PTPRR: variants seen among roughly 807,000 people sequenced by gnomAD.
PTPRR encodes receptor-type tyrosine-protein phosphatase R.
PTPRR carries 38 observed loss-of-function variants against 77.2 expected under a neutral mutation model. The ratio of observed to expected loss-of-function variants is 0.49; its 90% CI spans 0.38 to 0.65. PTPRR has a LOEUF of 0.65. Among genes scored for constraint, PTPRR ranks in the 30% least tolerant of loss-of-function variants. The pLI is 0.00. For missense variants in PTPRR, 744 were observed against 799.2 expected, an observed-to-expected ratio of 0.93 and a Z score of 0.83; for synonymous variants, 299 against 283.1, an observed-to-expected ratio of 1.06 and a Z score of -0.57.
At chr12:70,761,194 T>A (rs1890683336) in intron 4 of PTPRR, among the ~76,000 whole-genome samples, 1 of 152,170 alleles carries the variant, frequency 6.6e-6, no homozygotes, top group South Asian at 2.1e-4. Context: ...TCTTCTTTCT[T>A]CTAGAAAATT....
intron 2 of PTPRR, among the ~76,000 whole-genome samples, chr12:70,885,323 A>G (rs1320753291): frequency 6.6e-6 from 1 of 152,190 alleles, no homozygotes; most frequent in Non-Finnish European, 1.5e-5. Context: ...GAAAGCTACT[A>G]TACAATGAAA....
intron 2 of PTPRR, among the ~76,000 whole-genome samples, chr12:70,769,433 C>T (rs1308380316): frequency 6.6e-6 from 1 of 152,124 alleles, no homozygotes; most frequent in Non-Finnish European, 1.5e-5. Flanking sequence ...ATATAAAATA[C>T]TTAGGAATCC....
At chr12:70,900,959 G>C (rs1261204760) in intron 1 of PTPRR, among the ~76,000 whole-genome samples, 1 of 151,466 alleles carries the variant, frequency 6.6e-6, no homozygotes, top group African/African-American at 2.4e-5. Context: ...TTTCCAAAAT[G>C]CTTGGGACCA....
chr12:70,840,830 C>A (rs1892383424), intron 2 of PTPRR, among the ~76,000 whole-genome samples: 1 of 152,024 alleles, frequency 6.6e-6, no homozygotes. Flanking sequence ...AGATAAAGGG[C>A]ATTCCAGAAT....
rs58442488 is a variant in PTPRR at position 70,804,139 on chromosome 12, CTGTGTG to C, written c.358-39367_358-39362del. On this transcript the variant is annotated intron_variant, in intron 2 of 13. Transcript: ENST00000283228. ...TGTCTTGTTTCACCTGTTCCTGGCT[CTGTGTG>C]TGTGTGTGTGTGTGTGTGTGTGTGT... 3.3e-3 allele frequency among the ~76,000 whole-genome samples: 458 copies of C among 137,338 alleles called. 8 individuals are homozygous for C. In the South Asian group the frequency reaches 0.049, roughly 15 times the overall value. 90.1% of individuals were successfully genotyped at this position (137,338 alleles called of 152,430 possible).
At chr12:70,892,076 G>A (rs1441429184) in intron 2 of PTPRR, among the ~76,000 whole-genome samples, 2 of 151,878 alleles carry the variant, frequency 1.3e-5, no homozygotes, top group Non-Finnish European at 2.9e-5. Context: ...TACAAGCAAG[G>A]GAACTTTAAG....
intron 8 of PTPRR, among the ~76,000 whole-genome samples, chr12:70,695,770 A>G (rs1888210032): frequency 6.6e-6 from 1 of 152,144 alleles, no homozygotes; most frequent in Admixed American, 6.6e-5. Context: ...AGAAAACACA[A>G]ATTCTAACAC....
intron 2 of PTPRR, among the ~76,000 whole-genome samples, chr12:70,851,464 C>T (rs1362116118): frequency 1.3e-5 from 2 of 152,062 alleles, no homozygotes; most frequent in Non-Finnish European, 2.9e-5. Context: ...GGGTTCATAT[C>T]CTGACCCCAT....
chr12:70,818,983 A>C (rs1891957209), intron 2 of PTPRR, among the ~76,000 whole-genome samples: 1 of 152,184 alleles, frequency 6.6e-6, no homozygotes, highest in African/African-American at 2.4e-5. Context: ...GTCTACAAGG[A>C]GGTCACAATC....
chr12:70,735,046 C>A (rs1302720813), intron 6 of PTPRR, among the ~76,000 whole-genome samples: 1 of 152,022 alleles, frequency 6.6e-6, no homozygotes, highest in Non-Finnish European at 1.5e-5. Context: ...ATAAAAAACC[C>A]TATGAAAATT....
At chr12:70,741,018 A>T (rs1890029303) in intron 6 of PTPRR, among the ~76,000 whole-genome samples, 1 of 152,192 alleles carries the variant, frequency 6.6e-6, no homozygotes, top group South Asian at 2.1e-4. Context: ...CCATCTTGGC[A>T]GGGAATTGTG....
chr12:70,841,088 A>G (rs1892388871), intron 2 of PTPRR, among the ~76,000 whole-genome samples: 2 of 150,446 alleles, frequency 1.3e-5, no homozygotes, highest in Non-Finnish European at 1.5e-5. Flanking sequence ...AATTTCCTGC[A>G]CTAAACCTTT....
At chr12:70,776,124 C>T (rs1193383813) in intron 2 of PTPRR, among the ~76,000 whole-genome samples, 1 of 152,134 alleles carries the variant, frequency 6.6e-6, no homozygotes, top group Admixed American at 6.6e-5. Flanking sequence ...CTCCTTCTTC[C>T]TATCCACAAT....
intron 12 of PTPRR, among the ~76,000 whole-genome samples, chr12:70,659,161 C>T: frequency 6.6e-6 from 1 of 151,956 alleles, no homozygotes; most frequent in Non-Finnish European, 1.5e-5. Flanking sequence ...CCTCGGCCTC[C>T]CAAAGTGCTA....
intron 8 of PTPRR, among the ~76,000 whole-genome samples, chr12:70,688,590 G>A (rs920042422): frequency 6.6e-6 from 1 of 152,184 alleles, no homozygotes; most frequent in African/African-American, 2.4e-5. Flanking sequence ...GGCTGTTGGT[G>A]AGAATGTAAA....
intron 6 of PTPRR, among the ~76,000 whole-genome samples, chr12:70,719,049 C>T (rs1240735263): frequency 6.6e-6 from 1 of 152,018 alleles, no homozygotes; most frequent in African/African-American, 2.4e-5. Context: ...ACTGAATACT[C>T]CTGACCGGTT....
chr12:70,742,321 T>A (rs1482649910), intron 6 of PTPRR, among the ~76,000 whole-genome samples: 1 of 152,148 alleles, frequency 6.6e-6, no homozygotes, highest in African/African-American at 2.4e-5. Context: ...TACAGAAAAA[T>A]AAAATTGCAT....
In PTPRR at chr12:70,638,433, G is replaced by C. The variant is rs556259900; in HGVS notation, c.*751C>G. The C allele has an allele frequency of 3.4e-4, 52 of 152,688 alleles. No individual in the cohort carries two copies. Among genetic ancestry groups the C allele is most frequent in the African/African-American group, 1.2e-3 (49 of 41,558 alleles). 9.5% of individuals were successfully genotyped at this position (152,688 alleles called of 1,614,324 possible). A position where few individuals can be genotyped will look rare whatever the true frequency, so the allele number is the denominator to read the frequency against. ...TTGTTTTTCCCTTTTAAAGTAAAAT[G>C]ACTCACGATGTGGAAATACAGTGGA... On this transcript the variant is annotated 3_prime_UTR_variant, in exon 14 of 14. Transcript: ENST00000283228.
intron 6 of PTPRR, among the ~76,000 whole-genome samples, chr12:70,722,642 G>C (rs1889299277): frequency 6.6e-6 from 1 of 152,090 alleles, no homozygotes; most frequent in Non-Finnish European, 1.5e-5. Context: ...TTCTCTCAGA[G>C]TGTTCAGTGA....
Sources: allele counts gnomAD v4.1 joint callset (sites outside exome capture counted in the v4.1 genomes callset), GRCh38; gene constraint gnomAD v4.1.1; transcripts MANE v1.5; gene names NCBI Gene and HGNC (gene_info 2026-07-23, HGNC 2026-07-21).